Variants in EIF2B1 observed in about 807,000 individuals in gnomAD.
EIF2B1 encodes the protein translation initiation factor eIF2B subunit alpha.
Under a neutral mutation model 36.8 loss-of-function variants are expected in EIF2B1, and 30 were observed. The observed-to-expected ratio is 0.81, with a 90% CI of 0.61 to 1.10. EIF2B1 has a LOEUF of 1.10. Ranked by LOEUF, EIF2B1 falls within the 50% of genes least tolerant of loss-of-function variation. The pLI is 0.00. For missense variants in EIF2B1, 271 were observed against 374.8 expected (o/e 0.72, Z 2.29); for synonymous variants, 139 against 142.2 (o/e 0.98, Z 0.16).
At position 123,630,309 on chromosome 12, in the gene EIF2B1, G is replaced by A; in HGVS notation, c.253-24C>T. ...TCCTAGGAAGAAAAGAGCAAACTGAGGGGACAGGGAAGATCCAGTTAATGC... is the reference window on the plus strand; with the variant it reads ...TCCTAGGAAGAAAAGAGCAAACTGAAGGGACAGGGAAGATCCAGTTAATGC... On this transcript the variant is annotated intron_variant, in intron 3 of 8. Coordinates refer to ENST00000424014, the MANE Select transcript of EIF2B1 (RefSeq NM_001414.4). The surrounding 1 kb of genome is among the most constrained non-coding windows in gnomAD (Gnocchi z 4.6). The A allele has an allele frequency of 6.2e-7, 1 of 1,614,032 alleles. No homozygotes were observed. The highest frequency in any genetic ancestry group is 8.5e-7 in the Non-Finnish European group (1 of 1,179,910).
At chr12:123,626,907 GA>G in intron 5 of EIF2B1, 136 bp downstream of exon 5, 1 of 803,786 alleles carries the variant, frequency 1.2e-6, no homozygotes, top group Non-Finnish European at 2.1e-6. Context: ...CCAAAGGCAG[GA>G]AAAGGTACAA....
chr12:123,622,894 G>T, intron 7 of EIF2B1, 133 bp from the exon 8 acceptor site: 1 of 1,337,556 alleles, frequency 7.5e-7, no homozygotes. Flanking sequence ...TGGATCACCT[G>T]AACCCATGAG....
intron 2 of EIF2B1, 52 bp downstream of exon 2, chr12:123,632,291 GAA>G: frequency 1.1e-6 from 1 of 912,792 alleles, no homozygotes; most frequent in Non-Finnish European, 1.6e-6. Context: ...AAAAAGAAAA[GAA>G]AAAAAAGACT....
intron 7 of EIF2B1, among the ~76,000 whole-genome samples, chr12:123,624,144 ATG>A (rs1011501784): frequency 3.3e-5 from 5 of 149,620 alleles, no homozygotes; most frequent in African/African-American, 4.9e-5. Context: ...TATATATATT[ATG>A]TGTGTGTATA....
chr12:123,624,997 T>G (rs1955137652), intron 6 of EIF2B1, 135 bp from the exon 7 acceptor site: 1 of 740,098 alleles, frequency 1.4e-6, no homozygotes, highest in Non-Finnish European at 2.4e-6. Context: ...AAAGCGCACT[T>G]AACACGCGAT....
rs1353528396 is a variant in EIF2B1 at position 123,626,479 on chromosome 12, T to C, written c.497A>G (p.Lys166Arg). Residue 166 changes from lysine (K) to arginine (R), a missense_variant, in exon 6 of 9, where the codon AAA (lysine) becomes AGA (arginine). By Grantham distance (26) the Lys-to-Arg change is conservative (BLOSUM62 2). Coordinates refer to ENST00000424014, the MANE Select transcript of EIF2B1 (RefSeq NM_001414.4). ...QPDLSGKKMA[K>R]ALCHLNVPVT... ...AGGGACGTTGAGGTGGCAGAGGGCT[T>C]TGGCCATTTTCTTACTGAAGATGAC... The C allele has an allele frequency of 1.2e-6, 2 of 1,614,046 alleles. No homozygotes were observed. Among genetic ancestry groups the C allele is most frequent in the South Asian group, 1.1e-5 (1 of 91,082 alleles).
At position 123,621,857 on chromosome 12, in the gene EIF2B1, C is replaced by T. The variant is rs1299107352; in HGVS notation, c.817G>A (p.Val273Ile). ...GQDLKEEHPWVDYTAPSLITL... is the reference protein window; with the variant it reads ...GQDLKEEHPWIDYTAPSLITL... ...ATTAAGGAAGGGGCAGTGTAGTCGA[C>T]CCACGGATGCTCCTCTTTGAGGTCT... Residue 273 changes from valine to isoleucine, a missense_variant, in exon 9 of 9, where the codon GTC becomes ATC. Transcript: ENST00000424014. 1 of 1,613,936 alleles carries T rather than the reference C, an allele frequency of 6.2e-7. No individual in the cohort carries two copies. The highest frequency in any genetic ancestry group is 1.3e-5 in the African/African-American group (1 of 74,910).
At position 123,627,079 on chromosome 12, in the gene EIF2B1, A is replaced by G. The variant is rs1033102236; in HGVS notation, c.447T>C (p.Ser149=). Residue 149 remains serine (S), a synonymous_variant, in exon 5 of 9, where the codon AGT becomes AGC. Transcript: ENST00000424014. ...CAGGCTGTGACTCTGTGACGTATAC[A>G]CTAAATCGCTTCTTGGCCGCCACGG... ...EAAVAAKKRF[S]VYVTESQPDL... The G allele has an allele frequency of 6.2e-7, 1 of 1,614,164 alleles. No individual in the cohort carries two copies. The highest frequency in any genetic ancestry group is 8.5e-7 in the Non-Finnish European group (1 of 1,180,026).
intron 6 of EIF2B1, among the ~76,000 whole-genome samples, chr12:123,625,355 G>T (rs921265483): frequency 6.6e-6 from 1 of 151,848 alleles, no homozygotes; most frequent in African/African-American, 2.4e-5. Flanking sequence ...AGGCTCAAGC[G>T]ATCCTCCCAT....
intron 7 of EIF2B1, among the ~76,000 whole-genome samples, chr12:123,623,273 CT>C: frequency 6.6e-6 from 1 of 151,920 alleles, no homozygotes; most frequent in Non-Finnish European, 1.5e-5. Context: ...GTAATCCCAG[CT>C]ACTAGGGAGG....
At chr12:123,624,751 C>T (rs756373890) in intron 7 of EIF2B1, 36 bp downstream of exon 7, 2 of 1,592,838 alleles carry the variant, frequency 1.3e-6, no homozygotes, top group Non-Finnish European at 1.7e-6. Context: ...ACCTCCAAGT[C>T]TTGAGCAGGG....
At position 123,633,641 on chromosome 12, in the gene EIF2B1, C is replaced by A. The variant is rs775386431; in HGVS notation, c.-84G>T. 5 of 1,588,462 alleles carry A rather than the reference C, an allele frequency of 3.1e-6. No homozygotes were observed. Among genetic ancestry groups the A allele is most frequent in the Non-Finnish European group, 4.3e-6 (5 of 1,169,840 alleles). On this transcript the variant is annotated 5_prime_UTR_variant, in exon 1 of 9. Transcript: ENST00000424014. ...GTCCGCCGGCCGCGCCGCCTGCGAG[C>A]CAGTCTGACAGCGCGCTGCACACCT... is the stretch of plus-strand genomic sequence containing the variant.
At chr12:123,628,947 C>T (rs1002274532) in intron 4 of EIF2B1, among the ~76,000 whole-genome samples, 3 of 152,116 alleles carry the variant, frequency 2.0e-5, no homozygotes, top group Non-Finnish European at 2.9e-5. Flanking sequence ...CTAGAGCAAA[C>T]GAAACCCGCA....
rs748019750 is a variant in EIF2B1 at position 123,626,414 on chromosome 12, T to C, written c.551+11A>G. 6.2e-7 allele frequency: 1 copy of C among 1,614,036 alleles called. No individual in the cohort carries two copies. The highest frequency in any genetic ancestry group is 1.1e-5 in the South Asian group (1 of 91,084). Reference sequence around the variant, plus strand: ...GGGAGGTGATTATGGCTGGGGAAGATGGGCACTCACCCGACAGCAGCATCT... The same window carrying C: ...GGGAGGTGATTATGGCTGGGGAAGACGGGCACTCACCCGACAGCAGCATCT... On this transcript the variant is annotated intron_variant, in intron 6 of 8. Coordinates refer to ENST00000424014, the MANE Select transcript of EIF2B1 (RefSeq NM_001414.4).
intron 4 of EIF2B1, among the ~76,000 whole-genome samples, chr12:123,628,219 C>G (rs371241514): frequency 3.2e-4 from 49 of 152,118 alleles, no homozygotes; most frequent in Middle Eastern, 3.4e-3. Context: ...CTGTGACTAG[C>G]TAATTTATTT....
At chr12:123,633,404 T>C in intron 1 of EIF2B1, 141 bp downstream of exon 1, 1 of 1,310,620 alleles carries the variant, frequency 7.6e-7, no homozygotes, top group Non-Finnish European at 1.1e-6. Context: ...GGGATTTAGT[T>C]GTGACTCTGG....
chr12:123,629,023 C>T (rs975809345), intron 4 of EIF2B1, among the ~76,000 whole-genome samples: 4 of 152,158 alleles, frequency 2.6e-5, no homozygotes, highest in Non-Finnish European at 4.4e-5. Flanking sequence ...CACAACCTTG[C>T]CTCCACTTGC....
In EIF2B1 at chr12:123,620,580, TTATATATATATA is replaced by T. The variant is rs68169681; in HGVS notation, c.*1164_*1175del. ...GGTCACATATAGACATATGTACATA[TTATATATATATA>T]TATATATATATATATATATATATAT... On this transcript the variant is annotated 3_prime_UTR_variant, in exon 9 of 9. Coordinates refer to ENST00000424014, the MANE Select transcript of EIF2B1 (RefSeq NM_001414.4). 3.0e-3 allele frequency: 195 copies of T among 65,340 alleles called. No homozygotes were observed. The highest frequency in any genetic ancestry group is 8.3e-3 in the East Asian group (6 of 724). The allele number at this position is 65,340 out of a possible 1,614,324, so 4.0% of individuals were successfully genotyped here. A position where few individuals can be genotyped will look rare whatever the true frequency, so the allele number is the denominator to read the frequency against.
At position 123,630,847 on chromosome 12, in the gene EIF2B1, G is replaced by A. The variant is rs1300843575; in HGVS notation, c.116-314C>T. ...GCATGGAAAGACATTAAGTAGCAGCGGCAGATGAGGTCTGCAAGGTGGTAT... is the reference window on the plus strand; with the variant it reads ...GCATGGAAAGACATTAAGTAGCAGCAGCAGATGAGGTCTGCAAGGTGGTAT... On this transcript the variant is annotated intron_variant, in intron 2 of 8. Transcript: ENST00000424014. This position sits in a 1 kb window ranked among gnomAD's most constrained non-coding sequence, Gnocchi z 4.6. Among the ~76,000 whole-genome samples, 2 of 152,108 alleles carry A rather than the reference G, an allele frequency of 1.3e-5. No homozygotes were observed. The highest frequency in any genetic ancestry group is 4.8e-5 in the African/African-American group (2 of 41,414).
Sources: allele counts gnomAD v4.1 joint callset (sites outside exome capture counted in the v4.1 genomes callset), GRCh38; gene constraint gnomAD v4.1.1; non-coding constraint Gnocchi (gnomAD v3.1); transcripts MANE v1.5; gene names NCBI Gene and HGNC (gene_info 2026-07-23, HGNC 2026-07-21).